Variants in LRRC7 observed in about 807,000 individuals in gnomAD.
LRRC7 encodes the protein leucine-rich repeat-containing protein 7.
Under a neutral mutation model 175.7 loss-of-function variants are expected in LRRC7, and 23 were observed. The observed-to-expected ratio is 0.13, with a 90% CI of 0.09 to 0.19. LRRC7 has a LOEUF of 0.19. LRRC7 is among the 10% of genes least tolerant of loss of function. The probability of loss-of-function intolerance (pLI) is 1.00; values close to 1 mark genes in which losing one functional copy is unlikely to be tolerated. For missense variants in LRRC7, 1,354 were observed against 1,904.7 expected (o/e 0.71, Z 5.38); for synonymous variants, 685 against 680.9 (o/e 1.01, Z -0.09).
chr1:69,800,897 A>G (rs1303910395), intron 4 of LRRC7, among the ~76,000 whole-genome samples: 1 of 151,736 alleles, frequency 6.6e-6, no homozygotes, highest in African/African-American at 2.4e-5. Flanking sequence ...TATTTTTTTC[A>G]GGTATGTTCT....
At chr1:70,081,801 A>G (rs750433691) in intron 24 of LRRC7, among the ~76,000 whole-genome samples, 1 of 152,144 alleles carries the variant, frequency 6.6e-6, no homozygotes, top group African/African-American at 2.4e-5. Flanking sequence ...AGCCCAACCA[A>G]CCTAACACAT....
At chr1:69,829,645 A>T (rs1188603409) in intron 5 of LRRC7, among the ~76,000 whole-genome samples, 1 of 151,848 alleles carries the variant, frequency 6.6e-6, no homozygotes, top group East Asian at 1.9e-4. Flanking sequence ...ATTATTTGCT[A>T]ATTTATAAAA....
intron 7 of LRRC7, among the ~76,000 whole-genome samples, chr1:69,876,104 G>A (rs1046379223): frequency 2.6e-5 from 4 of 152,044 alleles, no homozygotes; most frequent in African/African-American, 9.7e-5. Context: ...GTGCCTCAGA[G>A]AATAGAATAC....
rs994924204 is a variant in LRRC7 at position 69,882,379 on chromosome 1, T to TA, written c.647+44103dup. On this transcript the variant is annotated intron_variant, in intron 7 of 26. Transcript: ENST00000651989. ...CTGTATATATTATAACCAAAGAAAA[T>TA]AAAAAAATCAAAGAGAGATTTGCAG... 7.2e-5 allele frequency among the ~76,000 whole-genome samples: 11 copies of TA among 152,022 alleles called. No individual in the cohort carries two copies. The South Asian group carries it at 2.1e-3, about 29-fold the overall frequency.
chr1:70,073,368 A>G (rs1465540748), intron 23 of LRRC7, among the ~76,000 whole-genome samples: 1 of 152,056 alleles, frequency 6.6e-6, no homozygotes, highest in African/African-American at 2.4e-5. Context: ...TCTGAAGGCT[A>G]TTACACCGGG....
intron 2 of LRRC7, among the ~76,000 whole-genome samples, chr1:69,722,771 T>C (rs1666502211): frequency 6.6e-6 from 1 of 152,086 alleles, no homozygotes; most frequent in South Asian, 2.1e-4. Flanking sequence ...AATTGTATAT[T>C]GATATTCTTT....
At chr1:69,770,159 G>A (rs544295128) in intron 3 of LRRC7, among the ~76,000 whole-genome samples, 1 of 152,236 alleles carries the variant, frequency 6.6e-6, no homozygotes, top group East Asian at 1.9e-4. Flanking sequence ...CCTCCACAAT[G>A]TACAATGAGG....
chr1:69,952,898 A>T (rs1360886914), intron 8 of LRRC7, among the ~76,000 whole-genome samples: 1 of 150,486 alleles, frequency 6.6e-6, no homozygotes, highest in Admixed American at 6.7e-5. Flanking sequence ...TTGAACTCCT[A>T]CTGTTTGCCA....
At chr1:70,009,109 T>TA (rs1378614616) in intron 11 of LRRC7, among the ~76,000 whole-genome samples, 2 of 151,820 alleles carry the variant, frequency 1.3e-5, no homozygotes, top group Non-Finnish European at 2.9e-5. Context: ...GTTTTTATTA[T>TA]AAAAAAAGAA....
chr1:70,104,162 A>G (rs769055791), intron 25 of LRRC7, among the ~76,000 whole-genome samples: 1 of 152,190 alleles, frequency 6.6e-6, no homozygotes, highest in Admixed American at 6.5e-5. Context: ...TATTGTTTCT[A>G]ATTTTTAGAA....
chr1:69,991,660 T>C (rs1654452392), intron 10 of LRRC7, among the ~76,000 whole-genome samples: 1 of 152,216 alleles, frequency 6.6e-6, no homozygotes, highest in Non-Finnish European at 1.5e-5. Flanking sequence ...ATTTGGATCA[T>C]GGATTATCTA....
chr1:69,773,704 A>C (rs574132602), intron 3 of LRRC7, among the ~76,000 whole-genome samples: 1 of 152,318 alleles, frequency 6.6e-6, no homozygotes, highest in African/African-American at 2.4e-5. Context: ...AGGAAATGCA[A>C]CAAAAGTTTA....
chr1:69,713,533 T>A (rs1411012426), intron 2 of LRRC7, among the ~76,000 whole-genome samples: 1 of 151,992 alleles, frequency 6.6e-6, no homozygotes, highest in Non-Finnish European at 1.5e-5. Context: ...CTTTTTTTTT[T>A]AACTATGAGA....
At chr1:69,695,678 G>A (rs1662490496) in intron 2 of LRRC7, among the ~76,000 whole-genome samples, 1 of 152,178 alleles carries the variant, frequency 6.6e-6, no homozygotes, top group Non-Finnish European at 1.5e-5. Context: ...ACCAGGCCCA[G>A]GCCCTTGCTG....
intron 7 of LRRC7, among the ~76,000 whole-genome samples, chr1:69,844,185 A>T (rs1247633969): frequency 3.3e-5 from 5 of 151,898 alleles, no homozygotes; most frequent in African/African-American, 1.2e-4. Context: ...TTCCTTTTTA[A>T]TTTTTTTTAT....
chr1:70,142,369 G>GTTT lies in LRRC7; in HGVS notation c.*20482_*20483insTTT, dbSNP rs1446630464. ...TTAATACTTCGGCTTTATAATGTTTGGGCATTTCTCTTTAACATCCTCAAA... is the reference window on the plus strand; with the variant it reads ...TTAATACTTCGGCTTTATAATGTTTGTTTGGCATTTCTCTTTAACATCCTCAAA... On this transcript the variant is annotated 3_prime_UTR_variant, in exon 27 of 27. Coordinates refer to ENST00000651989, the MANE Select transcript of LRRC7 (RefSeq NM_001370785.2). 2 of 152,060 alleles carry GTTT rather than the reference G, an allele frequency of 1.3e-5. No homozygotes were observed. Among genetic ancestry groups the GTTT allele is most frequent in the Non-Finnish European group, 2.9e-5 (2 of 67,972 alleles). 9.4% of individuals were successfully genotyped at this position (152,060 alleles called of 1,614,324 possible). A position where few individuals can be genotyped will look rare whatever the true frequency, so the allele number is the denominator to read the frequency against.
chr1:70,121,159 G>A (rs1471795943), intron 26 of LRRC7, among the ~76,000 whole-genome samples: 1 of 152,000 alleles, frequency 6.6e-6, no homozygotes, highest in Non-Finnish European at 1.5e-5. Flanking sequence ...TGTTACTAAT[G>A]TCAGTGTGTT....
chr1:69,703,600 T>A (rs1663650517), intron 2 of LRRC7, among the ~76,000 whole-genome samples: 1 of 152,068 alleles, frequency 6.6e-6, no homozygotes, highest in Non-Finnish European at 1.5e-5. Context: ...CATATCTATA[T>A]ATCTATTCTA....
chr1:69,831,223 A>G (rs949081484), intron 5 of LRRC7, among the ~76,000 whole-genome samples: 1 of 152,058 alleles, frequency 6.6e-6, no homozygotes, highest in Non-Finnish European at 1.5e-5. Flanking sequence ...CTAATTTTAC[A>G]TGTATCATAT....
Sources: gnomAD v4.1 joint callset for allele counts (sites outside exome capture counted in the v4.1 genomes callset) on GRCh38, gnomAD v4.1.1 for gene constraint, MANE v1.5 for transcripts, NCBI Gene and HGNC (gene_info 2026-07-23, HGNC 2026-07-21) for gene names.